The following MYC variants were observed in gnomAD, a reference collection of about 807,000 sequenced individuals.
MYC encodes myc proto-oncogene protein.
MYC carries 1 observed loss-of-function variant against 30.5 expected under a neutral mutation model. That is an observed-to-expected ratio of 0.03 (90% confidence interval 0.01 to 0.16). The LOEUF (loss-of-function observed/expected upper bound fraction) is 0.16, where lower values mean the gene tolerates loss of function less well. MYC is among the 10% of genes least tolerant of loss of function. The pLI is 1.00. For synonymous variants in MYC, 267 were observed against 250.7 expected, an observed-to-expected ratio of 1.07 and a Z score of -0.62; for missense variants, 508 against 589.0, an observed-to-expected ratio of 0.86 and a Z score of 1.42.
chr8:127,735,688 G>A (rs1200536109), upstream of MYC: 1 of 398,918 alleles, frequency 2.5e-6, no homozygotes, highest in African/African-American at 2.1e-5. Context: ...GCGTGGCGGT[G>A]GGCGCGCAGT....
At chr8:127,735,629 G>GC (rs1813568529), upstream of MYC, 1 of 398,710 alleles carries the variant, frequency 2.5e-6, no homozygotes, top group Middle Eastern at 6.2e-4. Flanking sequence ...TCAAAGCGCG[G>GC]CCCTTTCCCC....
rs1400580173 is a variant in MYC at position 127,737,150 on chromosome 8, G to T, written c.30+527G>T. On this transcript the variant is annotated intron_variant, in intron 1 of 2. Transcript: ENST00000621592. ...GGAGACGGACACTGCGGCGCGTCCC[G>T]CCCGCCTGTCCCCGCGGCGATTCCA... is the stretch of plus-strand genomic sequence containing the variant. 2.0e-5 allele frequency among the ~76,000 whole-genome samples: 3 copies of T among 152,278 alleles called. No individual in the cohort carries two copies. In the East Asian group the frequency reaches 5.8e-4, roughly 29 times the overall value.
chr8:127,739,005 C>T lies in MYC; in HGVS notation c.788C>T (p.Thr263Ile), dbSNP rs1020542388. ...CTCCATGAGGAGACACCGCCCACCA[C>T]CAGCAGCGACTCTGGTAAGCGAAGC... The change falls in exon 2 of 3, where the codon ACC (threonine) becomes ATC (isoleucine). Residue 263 changes from threonine to isoleucine, a missense_variant. Physicochemically the swap from Thr to Ile is moderately conservative, Grantham distance 89 (BLOSUM62 -1). Around this residue, in one of 5 missense-constraint regions of MYC, gnomAD observed 364 missense variants for 381.1 expected, o/e 0.96. Transcript: ENST00000621592. 6.6e-7 allele frequency: 1 copy of T among 1,514,066 alleles called. No homozygotes were observed. The highest frequency in any genetic ancestry group is 8.8e-7 in the Non-Finnish European group (1 of 1,138,170). 93.8% of individuals were successfully genotyped at this position (1,514,066 alleles called of 1,614,324 possible).
chr8:127,741,914 CCA>C lies in MYC; in HGVS notation c.*957_*958del, dbSNP rs1813718906. On this transcript the variant is annotated 3_prime_UTR_variant, in exon 3 of 3. Transcript: ENST00000621592. The stretch of plus-strand genomic sequence containing the variant: ...CTGTCCATGGGTTATCTCGCAAACC[CCA>C]GAGGATCTCTGGGAGGAATGCTACT... 6.6e-6 allele frequency among the ~76,000 whole-genome samples: 1 copy of C among 152,168 alleles called. No individual in the cohort carries two copies. The highest frequency in any genetic ancestry group is 1.5e-5 in the Non-Finnish European group (1 of 68,038).
chr8:127,741,195 AT>A lies in MYC; in HGVS notation c.*241del. 2.6e-6 allele frequency: 1 copy of A among 386,614 alleles called. No homozygotes were observed. The highest frequency in any genetic ancestry group is 4.6e-6 in the Non-Finnish European group (1 of 217,558). 23.9% of individuals were successfully genotyped at this position (386,614 alleles called of 1,614,324 possible). A position where few individuals can be genotyped will look rare whatever the true frequency, so the allele number is the denominator to read the frequency against. ...TGTATTTAAGAATTGTTTTTAAAAA[AT>A]TTTAAGATTTACACAATGTTTCTCT... On this transcript the variant is annotated 3_prime_UTR_variant, in exon 3 of 3. Coordinates refer to ENST00000621592, the MANE Select transcript of MYC (RefSeq NM_002467.6).
chr8:127,741,919 G>A lies in MYC; in HGVS notation c.*961G>A, dbSNP rs1241542155. 6.6e-6 allele frequency among the ~76,000 whole-genome samples: 1 copy of A among 152,146 alleles called. No homozygotes were observed. On this transcript the variant is annotated 3_prime_UTR_variant, in exon 3 of 3. Coordinates refer to ENST00000621592, the MANE Select transcript of MYC (RefSeq NM_002467.6). ...CATGGGTTATCTCGCAAACCCCAGA[G>A]GATCTCTGGGAGGAATGCTACTATT...
chr8:127,739,070 C>G (rs1240235474), intron 2 of MYC, 51 bp downstream of exon 2: 2 of 1,428,042 alleles, frequency 1.4e-6, no homozygotes, highest in East Asian at 5.1e-5. Context: ...GGATACCTTT[C>G]CCATTTTCAT....
In MYC at chr8:127,740,895, G is replaced by T. The variant is rs145561065; in HGVS notation, c.1302G>T (p.Leu434Phe). ...AAAAGCTCATTTCTGAAGAGGACTT[G>T]TTGCGGAAACGACGAGAACAGTTGA... Residue 434 changes from leucine (L) to phenylalanine (F), a missense_variant, in exon 3 of 3, where the codon TTG becomes TTT. By Grantham distance (22) the Leu-to-Phe change is conservative. Coordinates refer to ENST00000621592, the MANE Select transcript of MYC (RefSeq NM_002467.6). The T allele has an allele frequency of 1.2e-5, 19 of 1,607,122 alleles. No homozygotes were observed. The East Asian group carries it at 1.8e-4, about 15-fold the overall frequency.
Position 127,740,586 on chromosome 8 carries a change from G to GC in MYC, c.993_994insC (p.Lys332GlnfsTer63), listed in dbSNP as rs1813694306. 6.2e-7 allele frequency: 1 copy of GC among 1,613,890 alleles called. No individual in the cohort carries two copies. Among genetic ancestry groups the GC allele is most frequent in the Non-Finnish European group, 8.5e-7 (1 of 1,180,014 alleles). ...ACTACGCAGCGCCTCCCTCCACTCG[G>GC]AAGGACTATCCTGCTGCCAAGAGGG... On this transcript the variant is annotated frameshift_variant, in exon 3 of 3. Coordinates refer to ENST00000621592, the MANE Select transcript of MYC (RefSeq NM_002467.6). LOFTEE classifies it high-confidence loss of function.
At position 127,738,468 on chromosome 8, in the gene MYC, T is replaced by C. The variant is rs2130093741; in HGVS notation, c.251T>C (p.Leu84Pro). The C allele has an allele frequency of 6.2e-7, 1 of 1,606,698 alleles. No individual in the cohort carries two copies. The highest frequency in any genetic ancestry group is 8.5e-7 in the Non-Finnish European group (1 of 1,175,192). Residue 84 changes from leucine to proline, a missense_variant, in exon 2 of 3, where the codon CTC becomes CCC. Leu to Pro is a moderately conservative substitution (Grantham distance 98). This residue lies in a region of MYC where 364 missense variants were observed against 381.1 expected (regional missense o/e 0.96). Transcript: ENST00000621592. The surrounding 1 kb of genome is among the most constrained non-coding windows in gnomAD (Gnocchi z 7.6). ...CTGTCCCCTAGCCGCCGCTCCGGGC[T>C]CTGCTCGCCCTCCTACGTTGCGGTC...
rs1813649486 is a variant in MYC at position 127,738,618 on chromosome 8, C to T, written c.401C>T (p.Pro134Leu). The change falls in exon 2 of 3, where the codon CCG becomes CTG. Residue 134 changes from proline (P) to leucine (L), a missense_variant. This residue lies in a region of MYC where 364 missense variants were observed against 381.1 expected (regional missense o/e 0.96). Coordinates refer to ENST00000621592, the MANE Select transcript of MYC (RefSeq NM_002467.6). This position sits in a 1 kb window ranked among gnomAD's most constrained non-coding sequence, Gnocchi z 7.6. ...GTGAACCAGAGTTTCATCTGCGACC[C>T]GGACGACGAGACCTTCATCAAAAAC... 1.2e-6 allele frequency: 2 copies of T among 1,612,806 alleles called. No individual in the cohort carries two copies. The highest frequency in any genetic ancestry group is 1.7e-6 in the Non-Finnish European group (2 of 1,179,078).
rs1164624888 is a variant in MYC, at chr8:127,738,004, G to C, written c.31-244G>C. Among the ~76,000 whole-genome samples the C allele has an allele frequency of 6.6e-6, 1 of 151,860 alleles. No individual in the cohort carries two copies. The highest frequency in any genetic ancestry group is 1.5e-5 in the Non-Finnish European group (1 of 67,932). On this transcript the variant is annotated intron_variant, in intron 1 of 2. Transcript: ENST00000621592. This position sits in a 1 kb window ranked among gnomAD's most constrained non-coding sequence, Gnocchi z 7.6. Reference sequence around the variant, plus strand: ...TTGCGCTCCGGGCTCCCGGGGGAGCGGGGGCTCGGCGGGCACCAAGCCGCT... The same window carrying C: ...TTGCGCTCCGGGCTCCCGGGGGAGCCGGGGCTCGGCGGGCACCAAGCCGCT...
rs536396530 is a variant in MYC at position 127,740,951 on chromosome 8, G to C, written c.1358G>C (p.Cys453Ser). 1.3e-5 allele frequency: 20 copies of C among 1,557,130 alleles called. No individual in the cohort carries two copies. Among genetic ancestry groups the C allele is most frequent in the Non-Finnish European group, 1.7e-5 (20 of 1,156,094 alleles). Residue 453 changes from cysteine (C) to serine (S), a missense_variant, in exon 3 of 3, where the codon TGT (cysteine) becomes TCT (serine). Coordinates refer to ENST00000621592, the MANE Select transcript of MYC (RefSeq NM_002467.6). Reference sequence around the variant, plus strand: ...AAACTTGAACAGCTACGGAACTCTTGTGCGTAAGGAAAAGTAAGGAAAACG... The same window carrying C: ...AAACTTGAACAGCTACGGAACTCTTCTGCGTAAGGAAAAGTAAGGAAAACG...
Position 127,740,957 on chromosome 8 carries a change from A to G in MYC, c.1364A>G (p.Ter455=), listed in dbSNP as rs1298728695. ...GAACAGCTACGGAACTCTTGTGCGT[A>G]AGGAAAAGTAAGGAAAACGATTCCT... The change falls in exon 3 of 3, where the codon TAA becomes TGA. Residue 455 remains the stop codon, a stop_retained_variant. Transcript: ENST00000621592. The G allele has an allele frequency of 6.5e-7, 1 of 1,540,376 alleles. No individual in the cohort carries two copies. Among genetic ancestry groups the G allele is most frequent in the Middle Eastern group, 1.8e-4 (1 of 5,712 alleles).
In MYC at chr8:127,738,571, C is replaced by G. The variant is rs778234438; in HGVS notation, c.354C>G (p.Thr118=). The change falls in exon 2 of 3, where the codon ACC becomes ACG. Residue 118 remains threonine, a synonymous_variant. Transcript: ENST00000621592. This position sits in a 1 kb window ranked among gnomAD's most constrained non-coding sequence, Gnocchi z 7.6. ...CGGCCGACCAGCTGGAGATGGTGAC[C>G]GAGCTGCTGGGAGGAGACATGGTGA... The G allele has an allele frequency of 3.1e-6, 5 of 1,613,662 alleles. No homozygotes were observed. In the Admixed American group the frequency reaches 6.7e-5, roughly 22 times the overall value.
rs1440981150 is a variant in MYC at position 127,740,613 on chromosome 8, C to G, written c.1020C>G (p.Val340=). ...AGGACTATCCTGCTGCCAAGAGGGT[C>G]AAGTTGGACAGTGTCAGAGTCCTGA... is the stretch of plus-strand genomic sequence containing the variant. Residue 340 remains valine (V), a synonymous_variant, in exon 3 of 3, where the codon GTC becomes GTG. Coordinates refer to ENST00000621592, the MANE Select transcript of MYC (RefSeq NM_002467.6). 1 of 1,613,990 alleles carries G rather than the reference C, an allele frequency of 6.2e-7. No individual in the cohort carries two copies. Among genetic ancestry groups the G allele is most frequent in the South Asian group, 1.1e-5 (1 of 91,070 alleles).
chr8:127,741,844 ACGGTGGGAACCAGCTT>A lies in MYC; in HGVS notation c.*888_*903del, dbSNP rs1813717632. 6.6e-6 allele frequency among the ~76,000 whole-genome samples: 1 copy of A among 152,224 alleles called. No homozygotes were observed. The highest frequency in any genetic ancestry group is 1.5e-5 in the Non-Finnish European group (1 of 68,038). ...GGAATTCTGCCCAGTTGATGGGGAC[ACGGTGGGAACCAGCTT>A]CTGCTGCCTTCACAACCAGGCGCCA... On this transcript the variant is annotated 3_prime_UTR_variant, in exon 3 of 3. Transcript: ENST00000621592.
rs2130111504 is a variant in MYC, at chr8:127,741,912, C to A, written c.*954C>A. ...TCCTGTCCATGGGTTATCTCGCAAACCCCAGAGGATCTCTGGGAGGAATGC... is the reference window on the plus strand; with the variant it reads ...TCCTGTCCATGGGTTATCTCGCAAAACCCAGAGGATCTCTGGGAGGAATGC... On this transcript the variant is annotated 3_prime_UTR_variant, in exon 3 of 3. Transcript: ENST00000621592. Among the ~76,000 whole-genome samples the A allele has an allele frequency of 6.6e-6, 1 of 152,296 alleles. No individual in the cohort carries two copies. Among genetic ancestry groups the A allele is most frequent in the Non-Finnish European group, 1.5e-5 (1 of 68,024 alleles).
Position 127,738,351 on chromosome 8 carries a change from ACTT to A in MYC, c.137_139del (p.Phe46del), listed in dbSNP as rs770904938. The A allele has an allele frequency of 2.5e-6, 4 of 1,614,002 alleles. No homozygotes were observed. The highest frequency in any genetic ancestry group is 1.1e-5 in the South Asian group (1 of 91,082). Reference sequence around the variant, plus strand: ...TATTTCTACTGCGACGAGGAGGAGAACTTCTACCAGCAGCAGCAGCAGAGCGAG... The same window carrying A: ...TATTTCTACTGCGACGAGGAGGAGAACTACCAGCAGCAGCAGCAGAGCGAG... On this transcript the variant is annotated inframe_deletion, in exon 2 of 3. Transcript: ENST00000621592. This position sits in a 1 kb window ranked among gnomAD's most constrained non-coding sequence, Gnocchi z 7.6.
Sources: allele counts gnomAD v4.1 joint callset (sites outside exome capture counted in the v4.1 genomes callset), GRCh38; gene constraint gnomAD v4.1.1; regional missense constraint gnomAD v4.1.1; non-coding constraint Gnocchi (gnomAD v3.1); transcripts MANE v1.5; gene names NCBI Gene and HGNC (gene_info 2026-07-23, HGNC 2026-07-21).